Variants in MAP2 observed in about 807,000 individuals in gnomAD.
MAP2 encodes microtubule associated protein 2.
A neutral mutation model predicts 137.6 loss-of-function variants in MAP2; 14 were observed. That is an observed-to-expected ratio of 0.10 (90% CI 0.07 to 0.16). The LOEUF (loss-of-function observed/expected upper bound fraction) is 0.16. Among genes scored for constraint, MAP2 ranks in the 10% least tolerant of loss-of-function variants. The probability of loss-of-function intolerance (pLI) is 1.00; values close to 1 mark genes in which losing one functional copy is unlikely to be tolerated. For missense variants in MAP2, 2,088 were observed against 2,191.5 expected (o/e 0.95, Z 0.94); for synonymous variants, 786 against 782.3 (o/e 1.00, Z -0.08).
chr2:209,556,419 T>A (rs1383297912), intron 2 of MAP2, among the ~76,000 whole-genome samples: 1 of 152,174 alleles, frequency 6.6e-6, no homozygotes, highest in Non-Finnish European at 1.5e-5. Flanking sequence ...TTATTTCATT[T>A]TCTGTACCTC....
intron 1 of MAP2, among the ~76,000 whole-genome samples, chr2:209,487,151 T>G (rs968014816): frequency 2.0e-5 from 3 of 152,230 alleles, no homozygotes; most frequent in Non-Finnish European, 4.4e-5. Context: ...TTTTATTTAT[T>G]AAATTATGTA....
intron 1 of MAP2, among the ~76,000 whole-genome samples, chr2:209,483,116 A>T (rs1348721091): frequency 1.3e-5 from 2 of 152,196 alleles, no homozygotes; most frequent in Non-Finnish European, 2.9e-5. Flanking sequence ...TGTAAACATG[A>T]TCTGAAATTC....
intron 1 of MAP2, among the ~76,000 whole-genome samples, chr2:209,434,306 A>G (rs1156938808): frequency 6.6e-6 from 1 of 151,896 alleles, no homozygotes; most frequent in Non-Finnish European, 1.5e-5. Context: ...CTCAATAAAC[A>G]AAATTATTAT....
In MAP2 at chr2:209,471,778, G is replaced by T. The variant is rs185669791; in HGVS notation, c.-221-35814G>T. ...TCCTTGAGAATGAAGGGTTAAATTA[G>T]GTTTTAAAATGCCAAATAAGTAGAA... is the stretch of plus-strand genomic sequence containing the variant. On this transcript the variant is annotated intron_variant, in intron 1 of 15. Transcript: ENST00000682079. Among the ~76,000 whole-genome samples the T allele has an allele frequency of 4.1e-3, 626 of 151,874 alleles. 3 individuals carry two copies. The highest frequency in any genetic ancestry group is 0.014 in the African/African-American group (585 of 41,414).
chr2:209,546,833 C>A (rs2068172083), intron 2 of MAP2, among the ~76,000 whole-genome samples: 1 of 152,132 alleles, frequency 6.6e-6, no homozygotes, highest in South Asian at 2.1e-4. Flanking sequence ...GTAACTATTT[C>A]TCTTTTATTT....
intron 1 of MAP2, among the ~76,000 whole-genome samples, chr2:209,456,708 T>A (rs1701620780): frequency 6.6e-6 from 1 of 152,246 alleles, no homozygotes; most frequent in Non-Finnish European, 1.5e-5. Flanking sequence ...TGATCACATG[T>A]TAACAAGTAG....
intron 2 of MAP2, among the ~76,000 whole-genome samples, chr2:209,513,889 G>T (rs1490788667): frequency 1.3e-5 from 2 of 151,956 alleles, no homozygotes; most frequent in African/African-American, 4.8e-5. Context: ...TCTAAATTAT[G>T]TCATGAGCTA....
At chr2:209,531,976 C>T (rs563713969) in intron 2 of MAP2, among the ~76,000 whole-genome samples, 21 of 152,182 alleles carry the variant, frequency 1.4e-4, no homozygotes, top group Admixed American at 7.2e-4. Context: ...TGGTGGCTCA[C>T]GCCTGAAATC....
intron 2 of MAP2, among the ~76,000 whole-genome samples, chr2:209,572,902 C>A (rs1578667136): frequency 6.6e-6 from 1 of 152,154 alleles, no homozygotes; most frequent in East Asian, 1.9e-4. Flanking sequence ...CAACTCCTGA[C>A]CAGTTGTTCT....
chr2:209,706,303 A>G (rs1041900030), intron 12 of MAP2, among the ~76,000 whole-genome samples: 2 of 152,114 alleles, frequency 1.3e-5, no homozygotes, highest in African/African-American at 4.8e-5. Context: ...ACACACTTAT[A>G]TGTTGCATTG....
intron 2 of MAP2, among the ~76,000 whole-genome samples, chr2:209,514,386 C>A (rs1242988570): frequency 6.6e-6 from 1 of 151,606 alleles, no homozygotes; most frequent in Non-Finnish European, 1.5e-5. Context: ...ATTCTTTATT[C>A]CTTAATTAAA....
At chr2:209,702,280 C>A (rs1384961933) in intron 11 of MAP2, among the ~76,000 whole-genome samples, 1 of 151,984 alleles carries the variant, frequency 6.6e-6, no homozygotes, top group Non-Finnish European at 1.5e-5. Context: ...CTTGTAAATG[C>A]CCGTCTTGTC....
chr2:209,649,050 T>G (rs2094603165), intron 4 of MAP2, among the ~76,000 whole-genome samples: 1 of 152,146 alleles, frequency 6.6e-6, no homozygotes, highest in South Asian at 2.1e-4. Flanking sequence ...CTTTATTTGC[T>G]TAGAGACAGA....
chr2:209,554,838 C>G lies in MAP2; in HGVS notation c.-171-25198C>G, dbSNP rs565143679. 1.0e-4 allele frequency among the ~76,000 whole-genome samples: 15 copies of G among 149,708 alleles called. No individual in the cohort carries two copies. In the South Asian group the frequency reaches 3.1e-3, roughly 31 times the overall value. The stretch of plus-strand genomic sequence containing the variant: ...TTCGGTAGCAGGTAAACTGTTACCA[C>G]AGAATTTAAATACACAGTAACTATC... On this transcript the variant is annotated intron_variant, in intron 2 of 15. Coordinates refer to ENST00000682079, the MANE Select transcript of MAP2 (RefSeq NM_001375505.1).
chr2:209,644,217 T>A (rs1296826122), intron 4 of MAP2, among the ~76,000 whole-genome samples: 3 of 152,232 alleles, frequency 2.0e-5, no homozygotes, highest in African/African-American at 7.2e-5. Flanking sequence ...TTTTCTCCAA[T>A]GGATTGAAGT....
intron 2 of MAP2, among the ~76,000 whole-genome samples, chr2:209,540,502 G>A (rs756965753): frequency 1.4e-5 from 2 of 143,318 alleles, no homozygotes; most frequent in African/African-American, 3.0e-5. Context: ...GTGGTGGCAC[G>A]CGTCTGTAAT....
intron 1 of MAP2, among the ~76,000 whole-genome samples, chr2:209,464,171 T>A (rs1409456835): frequency 1.3e-5 from 2 of 152,144 alleles, no homozygotes; most frequent in African/African-American, 4.8e-5. Context: ...TTTGAATGAT[T>A]GAAATGGTTC....
chr2:209,486,321 AG>A (rs1372066717), intron 1 of MAP2, among the ~76,000 whole-genome samples: 1 of 151,900 alleles, frequency 6.6e-6, no homozygotes, highest in Non-Finnish European at 1.5e-5. Flanking sequence ...CCTGCCTCCC[AG>A]ATTCAAGTGA....
chr2:209,710,301 A>G lies in MAP2; in HGVS notation c.5073+47A>G, dbSNP rs566723081. ...ATTTGCTGCCAGAAATAATTATTAC[A>G]TTGCCTTCTTCATATTGAAAACTAA... is the stretch of plus-strand genomic sequence containing the variant. On this transcript the variant is annotated intron_variant, in intron 13 of 15. Transcript: ENST00000682079. 7 of 1,431,710 alleles carry G rather than the reference A, an allele frequency of 4.9e-6. No homozygotes were observed. In the South Asian group the frequency reaches 6.3e-5, roughly 13 times the overall value. 88.7% of individuals were successfully genotyped at this position (1,431,710 alleles called of 1,614,324 possible).
Sources: allele counts gnomAD v4.1 joint callset (sites outside exome capture counted in the v4.1 genomes callset), GRCh38; gene constraint gnomAD v4.1.1; transcripts MANE v1.5; gene names NCBI Gene and HGNC (gene_info 2026-07-23, HGNC 2026-07-21).